The following DGKB variants were observed in gnomAD, a reference collection of about 807,000 sequenced individuals.
The protein encoded by DGKB is diacylglycerol kinase beta, also known as 90 kDa diacylglycerol kinase.
In DGKB, 67 loss-of-function variants were observed where a neutral mutation model predicts 114.3. The ratio of observed to expected loss-of-function variants is 0.59; its 90% CI spans 0.48 to 0.72. The LOEUF (loss-of-function observed/expected upper bound fraction) is 0.72. Ranked by LOEUF, DGKB falls within the 30% of genes least tolerant of loss-of-function variation. DGKB has a pLI of 0.00. For synonymous variants in DGKB, 398 were observed against 323.1 expected, an observed-to-expected ratio of 1.23 and a Z score of -2.49; for missense variants, 907 against 975.2, an observed-to-expected ratio of 0.93 and a Z score of 0.93.
At chr7:14,833,512 T>C (rs1219025061) in intron 2 of DGKB, among the ~76,000 whole-genome samples, 1 of 152,114 alleles carries the variant, frequency 6.6e-6, no homozygotes, top group Non-Finnish European at 1.5e-5. Flanking sequence ...GATTTTAACA[T>C]CTCCACAAGG....
intron 15 of DGKB, 81 bp downstream of exon 15, chr7:14,621,297 T>C: frequency 2.6e-6 from 2 of 780,762 alleles, no homozygotes; most frequent in South Asian, 1.6e-5. Context: ...ACAAATGTGT[T>C]GATAGCTGAA....
intron 13 of DGKB, among the ~76,000 whole-genome samples, chr7:14,655,803 T>A (rs779047135): frequency 6.6e-6 from 1 of 151,612 alleles, no homozygotes; most frequent in African/African-American, 2.4e-5. Flanking sequence ...ACCACATTCT[T>A]ACTTATATAT....
intron 17 of DGKB, among the ~76,000 whole-genome samples, chr7:14,604,587 G>T (rs1287783404): frequency 6.6e-6 from 1 of 152,054 alleles, no homozygotes; most frequent in Non-Finnish European, 1.5e-5. Context: ...ACTAGAAATG[G>T]TGATAAAACT....
intron 1 of DGKB, among the ~76,000 whole-genome samples, chr7:14,902,363 C>G (rs1198301412): frequency 1.3e-5 from 2 of 152,170 alleles, no homozygotes; most frequent in African/African-American, 4.8e-5. Flanking sequence ...ATGGACAGGG[C>G]ACTTTCTGCA....
intron 21 of DGKB, among the ~76,000 whole-genome samples, chr7:14,390,598 G>A (rs918339733): frequency 6.6e-6 from 1 of 152,032 alleles, no homozygotes; most frequent in African/African-American, 2.4e-5. Context: ...CTTAACAAGA[G>A]CCACAAAGAC....
chr7:14,885,593 C>T (rs1033852860), intron 1 of DGKB, among the ~76,000 whole-genome samples: 8 of 151,790 alleles, frequency 5.3e-5, no homozygotes, highest in Non-Finnish European at 1.0e-4. Flanking sequence ...AGCGATTAAA[C>T]GTGCCTACAT....
chr7:14,932,245 C>T (rs1785058650), intron 1 of DGKB, among the ~76,000 whole-genome samples: 1 of 152,114 alleles, frequency 6.6e-6, no homozygotes, highest in Non-Finnish European at 1.5e-5. Context: ...TGATTCCCAG[C>T]CAGTCCCAGA....
At chr7:14,893,361 T>C (rs1358809404) in intron 1 of DGKB, among the ~76,000 whole-genome samples, 1 of 151,480 alleles carries the variant, frequency 6.6e-6, no homozygotes, top group African/African-American at 2.4e-5. Flanking sequence ...CGTTTTTTCC[T>C]GGTCTTTAGA....
At chr7:14,356,382 G>A (rs1312897833) in intron 21 of DGKB, among the ~76,000 whole-genome samples, 1 of 74,294 alleles carries the variant, frequency 1.3e-5, no homozygotes, top group Non-Finnish European at 2.5e-5. Flanking sequence ...TTTTTTTTGA[G>A]ACGGAGTCTC....
chr7:14,160,456 T>A (rs1239849319), intron 25 of DGKB, among the ~76,000 whole-genome samples: 1 of 152,152 alleles, frequency 6.6e-6, no homozygotes, highest in Non-Finnish European at 1.5e-5. Context: ...TGTGCAAGAA[T>A]CACAAGCATT....
At chr7:14,959,581 T>C (rs888862330) in intron 1 of DGKB, among the ~76,000 whole-genome samples, 1 of 152,150 alleles carries the variant, frequency 6.6e-6, no homozygotes, top group South Asian at 2.1e-4. Flanking sequence ...CCAAATTACA[T>C]ATTGCCATGC....
chr7:14,583,252 A>G, intron 17 of DGKB, 115 bp from the exon 18 acceptor site: 1 of 574,404 alleles, frequency 1.7e-6, no homozygotes, highest in South Asian at 2.5e-5. Flanking sequence ...TAAAAACTGT[A>G]AAATATCTCA....
At chr7:14,846,906 A>G (rs904524750) in intron 1 of DGKB, among the ~76,000 whole-genome samples, 2 of 152,252 alleles carry the variant, frequency 1.3e-5, no homozygotes, top group Non-Finnish European at 2.9e-5. Flanking sequence ...TGGACGCATC[A>G]TCTGTGAGTC....
At chr7:14,331,450 T>G (rs1809697434) in intron 23 of DGKB, among the ~76,000 whole-genome samples, 1 of 152,056 alleles carries the variant, frequency 6.6e-6, no homozygotes, top group Admixed American at 6.6e-5. Context: ...ATTGCATTTA[T>G]ATTTAGACAA....
chr7:14,742,423 CT>C (rs553727351), intron 4 of DGKB, among the ~76,000 whole-genome samples: 1 of 152,104 alleles, frequency 6.6e-6, no homozygotes, highest in African/African-American at 2.4e-5. Context: ...GCTGTAGTAA[CT>C]TTTAGTTCAT....
intron 21 of DGKB, among the ~76,000 whole-genome samples, chr7:14,419,089 C>T (rs73068027): frequency 0.24 from 35,846 of 151,648 alleles, 5,050 homozygotes; most frequent in East Asian, 0.49. Flanking sequence ...AATCCTTACT[C>T]TGGGACAGCG....
intron 21 of DGKB, among the ~76,000 whole-genome samples, chr7:14,356,795 T>G (rs1814637752): frequency 6.6e-6 from 1 of 152,212 alleles, no homozygotes; most frequent in Non-Finnish European, 1.5e-5. Context: ...TCTGGTATGT[T>G]GTGTCTTTGT....
At chr7:14,279,352 G>T (rs1254726200) in intron 23 of DGKB, among the ~76,000 whole-genome samples, 2 of 152,142 alleles carry the variant, frequency 1.3e-5, no homozygotes. Context: ...CAAAGCAACT[G>T]GGAAGCTCCA....
At chr7:14,633,990 T>C (rs1485938524) in intron 13 of DGKB, among the ~76,000 whole-genome samples, 3 of 151,502 alleles carry the variant, frequency 2.0e-5, no homozygotes, top group East Asian at 1.9e-4. Flanking sequence ...CAAATTGTCA[T>C]AGGACAAAGA....
Sources: allele counts gnomAD v4.1 joint callset (sites outside exome capture counted in the v4.1 genomes callset), GRCh38; gene constraint gnomAD v4.1.1; transcripts MANE v1.5; gene names NCBI Gene and HGNC (gene_info 2026-07-23, HGNC 2026-07-21).